Variants in CCL25 observed in about 807,000 individuals in gnomAD.
The protein encoded by CCL25 is C-C motif chemokine 25.
In CCL25, 14 loss-of-function variants were observed where a neutral mutation model predicts 19.9. The observed-to-expected ratio is 0.70, with a 90% confidence interval of 0.47 to 1.10. The LOEUF is 1.10. Among genes scored for constraint, CCL25 ranks in the 50% least tolerant of loss-of-function variants. The pLI is 0.00. For synonymous variants in CCL25, 68 were observed against 73.2 expected (o/e 0.93, Z 0.36); for missense variants, 151 against 181.2 (o/e 0.83, Z 0.96).
intron 5 of CCL25, 115 bp downstream of exon 5, chr19:8,058,035 G>A (rs1313498909): frequency 8.1e-6 from 12 of 1,477,858 alleles, no homozygotes; most frequent in Non-Finnish European, 1.1e-5. Context: ...CAGGAGAGGT[G>A]GTTGTGCGGT....
intron 5 of CCL25, among the ~76,000 whole-genome samples, chr19:8,061,053 T>C (rs1243588226): frequency 7.0e-6 from 1 of 143,230 alleles, no homozygotes; most frequent in Non-Finnish European, 1.5e-5. Context: ...GGTGCAATCA[T>C]AGCTCACTGC....
At position 8,059,009 on chromosome 19, in the gene CCL25, A is replaced by T. The variant is rs1274198689; in HGVS notation, c.445+1089A>T. Among the ~76,000 whole-genome samples the T allele has an allele frequency of 4.0e-5, 5 of 124,048 alleles. No homozygotes were observed. In the Admixed American group the frequency reaches 5.2e-4, roughly 13 times the overall value. The allele number at this position is 124,048 out of a possible 152,430, so 81.4% of individuals were successfully genotyped here. A position where few individuals can be genotyped will look rare whatever the true frequency, so the allele number is the denominator to read the frequency against. ...ATATAAATATATAATATAAATATATAAATATATAATATAAATATATGTAAT... is the reference window on the plus strand; with the variant it reads ...ATATAAATATATAATATAAATATATTAATATATAATATAAATATATGTAAT... On this transcript the variant is annotated intron_variant, in intron 5 of 5. Coordinates refer to ENST00000315626, the MANE Select transcript of CCL25 (RefSeq NM_005624.4).
At position 8,053,154 on chromosome 19, in the gene CCL25, GC is replaced by G. The variant is rs768833175; in HGVS notation, c.73+36del. ...TGTTCGGCAATGCCTACCACCAAGT[GC>G]CCCTCTCCCCATGCCCCCACCCCAC... On this transcript the variant is annotated intron_variant, in intron 2 of 5. Transcript: ENST00000315626. 2.1e-6 allele frequency: 3 copies of G among 1,450,074 alleles called. No homozygotes were observed. In the South Asian group the frequency reaches 3.8e-5, roughly 18 times the overall value. 89.8% of individuals were successfully genotyped at this position (1,450,074 alleles called of 1,614,324 possible).
intron 5 of CCL25, among the ~76,000 whole-genome samples, chr19:8,060,987 T>TTC (rs2145300412): frequency 7.5e-6 from 1 of 133,238 alleles, no homozygotes; most frequent in East Asian, 2.3e-4. Flanking sequence ...GCCTAATTTT[T>TTC]TTTTTTTTTT....
At chr19:8,061,361 G>A (rs1280812514) in intron 5 of CCL25, among the ~76,000 whole-genome samples, 1 of 151,794 alleles carries the variant, frequency 6.6e-6, no homozygotes, top group Non-Finnish European at 1.5e-5. Context: ...TGGCCAGGCT[G>A]GTCTCAAACT....
Position 8,062,595 on chromosome 19 carries a change from T to C in CCL25, c.*370T>C. Reference sequence around the variant, plus strand: ...ACTCTGGTCAGTTCAAGGATGCCCCTCCCAGGCTATGCTTTTCTATAACTT... The same window carrying C: ...ACTCTGGTCAGTTCAAGGATGCCCCCCCCAGGCTATGCTTTTCTATAACTT... On this transcript the variant is annotated 3_prime_UTR_variant, in exon 6 of 6. Transcript: ENST00000315626. 1 of 242,124 alleles carries C rather than the reference T, an allele frequency of 4.1e-6. No individual in the cohort carries two copies. The highest frequency in any genetic ancestry group is 8.2e-5 in the East Asian group (1 of 12,236). 15.0% of individuals were successfully genotyped at this position (242,124 alleles called of 1,614,324 possible).
chr19:8,053,113 C>T lies in CCL25; in HGVS notation c.64C>T (p.His22Tyr). 6.4e-7 allele frequency: 1 copy of T among 1,555,672 alleles called. No homozygotes were observed. Among genetic ancestry groups the T allele is most frequent in the South Asian group, 1.2e-5 (1 of 84,338 alleles). ...CCTGGGAGCCTGGGCCCCCGCTGTC[C>T]ACACCCAAGGTACTGTGTTCGGCAA... ...GFLGAWAPAV[H>Y]TQGVFEDCCL... is the part of the protein sequence containing the mutation. Residue 22 changes from histidine (H) to tyrosine (Y), a missense_variant, in exon 2 of 6, where the codon CAC (histidine) becomes TAC (tyrosine). Physicochemically the swap from His to Tyr is moderately conservative, Grantham distance 83. Coordinates refer to ENST00000315626, the MANE Select transcript of CCL25 (RefSeq NM_005624.4).
rs1298477203 is a variant in CCL25 at position 8,062,268 on chromosome 19, T to C, written c.*43T>C. On this transcript the variant is annotated 3_prime_UTR_variant, in exon 6 of 6. Coordinates refer to ENST00000315626, the MANE Select transcript of CCL25 (RefSeq NM_005624.4). ...CTCCATCGGCACAGGAGGGGCCGGATCTTTCTCCGATAAAACCGTCGCCCT... is the reference window on the plus strand; with the variant it reads ...CTCCATCGGCACAGGAGGGGCCGGACCTTTCTCCGATAAAACCGTCGCCCT... 9 of 1,611,146 alleles carry C rather than the reference T, an allele frequency of 5.6e-6. No homozygotes were observed. Among genetic ancestry groups the C allele is most frequent in the Non-Finnish European group, 7.6e-6 (9 of 1,178,628 alleles).
At chr19:8,060,038 G>A (rs933708137) in intron 5 of CCL25, among the ~76,000 whole-genome samples, 6 of 151,892 alleles carry the variant, frequency 4.0e-5, no homozygotes, top group South Asian at 2.1e-4. Context: ...GAAGTAAGCC[G>A]AGATCAAGCC....
Position 8,062,046 on chromosome 19 carries a change from CAAA to C in CCL25, c.446-152_446-150del, listed in dbSNP as rs34907151. Among the ~76,000 whole-genome samples the C allele has an allele frequency of 7.4e-3, 450 of 60,516 alleles. 2 individuals carry two copies. Among genetic ancestry groups the C allele is most frequent in the African/African-American group, 0.03 (427 of 14,440 alleles). 39.7% of individuals were successfully genotyped at this position (60,516 alleles called of 152,430 possible). A position where few individuals can be genotyped will look rare whatever the true frequency, so the allele number is the denominator to read the frequency against. On this transcript the variant is annotated intron_variant, in intron 5 of 5. Transcript: ENST00000315626. ...GTCTGGCGACAGAGCGAGACTGTCT[CAAA>C]AAAAAAAAAAAAAAAAAAAGTTAGC...
chr19:8,059,116 TATAA>T (rs2081298609), intron 5 of CCL25, among the ~76,000 whole-genome samples: 1 of 104,814 alleles, frequency 9.5e-6, no homozygotes, highest in African/African-American at 3.6e-5. Flanking sequence ...ATATATAATA[TATAA>T]ATATATATAA....
chr19:8,055,573 A>T (rs538676402), intron 2 of CCL25, among the ~76,000 whole-genome samples: 3 of 151,702 alleles, frequency 2.0e-5, no homozygotes, highest in East Asian at 2.0e-4. Context: ...TGACCTCGTG[A>T]TCCGCCCACC....
chr19:8,061,163 A>G (rs1253944724), intron 5 of CCL25, among the ~76,000 whole-genome samples: 1 of 151,128 alleles, frequency 6.6e-6, no homozygotes, highest in Non-Finnish European at 1.5e-5. Flanking sequence ...TAATTTTTGT[A>G]TTTTTAGTAG....
chr19:8,062,109 T>C, intron 5 of CCL25, 109 bp from the exon 6 acceptor site: 1 of 1,033,606 alleles, frequency 9.7e-7, no homozygotes. Flanking sequence ...ACTCAGAAAT[T>C]CACAAGGGTT....
At chr19:8,055,877 G>A (rs959835189) in intron 2 of CCL25, among the ~76,000 whole-genome samples, 39 of 152,170 alleles carry the variant, frequency 2.6e-4, no homozygotes, top group African/African-American at 9.4e-4. Context: ...CCCAGAGCAG[G>A]AGTAGAGGTG....
intron 4 of CCL25, 132 bp downstream of exon 4, chr19:8,056,631 GT>G: frequency 9.9e-7 from 1 of 1,009,514 alleles, no homozygotes; most frequent in South Asian, 1.6e-5. Context: ...AACAAAGCCA[GT>G]TGCTGGTGAG....
intron 3 of CCL25, 33 bp downstream of exon 3, chr19:8,056,302 G>GGGGGGGGGGGGGGGGGGGGGGGCCCCCC: frequency 8.4e-6 from 5 of 592,928 alleles, no homozygotes; most frequent in Non-Finnish European, 1.6e-5. Flanking sequence ...GGGGGGTGGG[G>GGGGGGGGGGGGGGGGGGGGGGGCCCCCC]TGCACACACA....
In CCL25 at chr19:8,055,853, G is replaced by A. The variant is rs562351082; in HGVS notation, c.74-299G>A. Among the ~76,000 whole-genome samples, 26 of 152,208 alleles carry A rather than the reference G, an allele frequency of 1.7e-4. 1 individual carries two copies. In the Middle Eastern group the frequency reaches 0.024, roughly 139 times the overall value. On this transcript the variant is annotated intron_variant, in intron 2 of 5. Coordinates refer to ENST00000315626, the MANE Select transcript of CCL25 (RefSeq NM_005624.4). ...CCTCCTCACAGTGCACCTGCACTCC[G>A]AGTCACCCTTTTCCCCAGAGCAGGA...
upstream of CCL25, chr19:8,052,697 G>A: frequency 4.2e-6 from 1 of 237,538 alleles, no homozygotes; most frequent in Non-Finnish European, 8.0e-6. Flanking sequence ...AGGGAGGAGG[G>A]CGGGCAGGGG....
Sources: allele counts gnomAD v4.1 joint callset (sites outside exome capture counted in the v4.1 genomes callset), GRCh38; gene constraint gnomAD v4.1.1; transcripts MANE v1.5; gene names NCBI Gene and HGNC (gene_info 2026-07-23, HGNC 2026-07-21).